NDE1: variants seen among roughly 807,000 people sequenced by gnomAD.
The protein encoded by NDE1 is nudE neurodevelopment protein 1.
NDE1 carries 28 observed loss-of-function variants against 43.4 expected under a neutral mutation model. The observed-to-expected ratio is 0.65, with a 90% CI of 0.48 to 0.89. The LOEUF (loss-of-function observed/expected upper bound fraction) is 0.89. Ranked by LOEUF, NDE1 falls within the 40% of genes least tolerant of loss-of-function variation. NDE1 has a pLI of 0.00. For synonymous variants in NDE1, 184 were observed against 172.0 expected, an observed-to-expected ratio of 1.07 and a Z score of -0.55; for missense variants, 441 against 434.1, an observed-to-expected ratio of 1.02 and a Z score of -0.14.
chr16:15,685,521 G>A (rs1484984530), intron 4 of NDE1, among the ~76,000 whole-genome samples: 1 of 152,184 alleles, frequency 6.6e-6, no homozygotes, highest in East Asian at 1.9e-4. Flanking sequence ...AAAGTGCTGG[G>A]ATTATAGGCA....
upstream of NDE1, among the ~76,000 whole-genome samples, chr16:15,648,253 C>G (rs1031674435): frequency 6.6e-6 from 1 of 151,932 alleles, no homozygotes; most frequent in African/African-American, 2.4e-5. Context: ...TTAAAATGTA[C>G]AATACATTGT....
At chr16:15,691,647 GT>G (rs11397970) in intron 6 of NDE1, among the ~76,000 whole-genome samples, 5 of 146,512 alleles carry the variant, frequency 3.4e-5, no homozygotes, top group East Asian at 2.0e-4. Flanking sequence ...TTTTTGTTGG[GT>G]TTTTTTTTTT....
intron 1 of NDE1, among the ~76,000 whole-genome samples, chr16:15,656,821 A>C (rs900784406): frequency 5.3e-5 from 8 of 152,124 alleles, no homozygotes; most frequent in African/African-American, 1.9e-4. Flanking sequence ...GATTACAGGC[A>C]TGAGCCACAG....
intron 8 of NDE1, among the ~76,000 whole-genome samples, chr16:15,708,508 A>G (rs2039590114): frequency 6.6e-6 from 1 of 152,228 alleles, no homozygotes; most frequent in African/African-American, 2.4e-5. Flanking sequence ...AGCTACACAC[A>G]CAGCCTCTGC....
At chr16:15,667,528 G>GA in intron 3 of NDE1, 89 bp downstream of exon 3, 1 of 1,499,440 alleles carries the variant, frequency 6.7e-7, no homozygotes, top group Non-Finnish European at 9.1e-7. Context: ...ACCCTGCAAT[G>GA]AGGGACTCCA....
At chr16:15,686,908 G>A in intron 4 of NDE1, 2 of 894,480 alleles carry the variant, frequency 2.2e-6, no homozygotes, top group African/African-American at 1.8e-5. Context: ...AGCTTGCCAG[G>A]CTGGTCTTGA....
At position 15,718,364 on chromosome 16, in the gene NDE1, TGCTCCTCCTCCA is replaced by T. The variant is rs777249764; in HGVS notation, c.948-5811_948-5800del. On this transcript the variant is annotated intron_variant, in intron 8 of 8. Coordinates refer to ENST00000396354, the MANE Select transcript of NDE1 (RefSeq NM_017668.3). ...GTCGCTCATGGCCTCCATGTTGCCC[TGCTCCTCCTCCA>T]GCTCCTCCTCCAGCTGGGCGATCCG... is the stretch of plus-strand genomic sequence containing the variant. The T allele has an allele frequency of 7.5e-6, 12 of 1,602,974 alleles. No individual in the cohort carries two copies. Among genetic ancestry groups the T allele is most frequent in the East Asian group, 2.3e-5 (1 of 44,262 alleles).
rs1451095511 is a variant in NDE1 at position 15,696,730 on chromosome 16, T to TC, written c.819dup (p.Cys274LeufsTer41). On this transcript the variant is annotated frameshift_variant, in exon 8 of 9. Coordinates refer to ENST00000396354, the MANE Select transcript of NDE1 (RefSeq NM_017668.3). LOFTEE classifies it high-confidence loss of function. ...CCAGGCACTGGAGTCCAAACTCGCT[T>TC]CCTGCCGGAACCTCGTGTACGATCA... 1 of 1,614,188 alleles carries TC rather than the reference T, an allele frequency of 6.2e-7. No homozygotes were observed. The highest frequency in any genetic ancestry group is 8.5e-7 in the Non-Finnish European group (1 of 1,180,032).
chr16:15,662,280 C>CTTTT (rs774915905), intron 1 of NDE1, among the ~76,000 whole-genome samples: 3 of 124,956 alleles, frequency 2.4e-5, no homozygotes, highest in African/African-American at 2.9e-5. Context: ...TTTCTCTTTT[C>CTTTT]TTTTTTTTTT....
At position 15,725,920 on chromosome 16, in the gene NDE1, GGTACAAGCTCCCCCTCCAACCCCACTCT is replaced by G. The variant is rs2040730434; in HGVS notation, c.*1674_*1701del. On this transcript the variant is annotated 3_prime_UTR_variant, in exon 9 of 9. Transcript: ENST00000396354. ...GTTCTCAAAAGCCCTACATCATCTG[GGTACAAGCTCCCCCTCCAACCCCACTCT>G]GTACTATCTCCCCCTACCCCCAACC... The G allele has an allele frequency of 2.6e-6, 1 of 378,748 alleles. No homozygotes were observed. Among genetic ancestry groups the G allele is most frequent in the Non-Finnish European group, 4.7e-6 (1 of 214,208 alleles). 23.5% of individuals were successfully genotyped at this position (378,748 alleles called of 1,614,324 possible). A position where few individuals can be genotyped will look rare whatever the true frequency, so the allele number is the denominator to read the frequency against.
In NDE1 at chr16:15,702,059, T is replaced by A. The variant is rs1179024593; in HGVS notation, c.947+5199T>A. On this transcript the variant is annotated intron_variant, in intron 8 of 8. Transcript: ENST00000396354. ...AAAATTTCTATTCAAGCCAGGTTTT[T>A]AGAAATGTATCCGGGATGTGTTTGT... 5 of 152,222 alleles carry A rather than the reference T, an allele frequency of 3.3e-5. No homozygotes were observed. The East Asian group carries it at 5.8e-4, about 18-fold the overall frequency. The allele number at this position is 152,222 out of a possible 1,614,324, so 9.4% of individuals were successfully genotyped here. A position where few individuals can be genotyped will look rare whatever the true frequency, so the allele number is the denominator to read the frequency against.
rs794728680 is a variant in NDE1 at position 15,720,874 on chromosome 16, G to C, written c.948-3317G>C. 5.3e-5 allele frequency: 85 copies of C among 1,613,784 alleles called. No homozygotes were observed. The highest frequency in any genetic ancestry group is 6.9e-5 in the Non-Finnish European group (82 of 1,180,032). On this transcript the variant is annotated intron_variant, in intron 8 of 8. Transcript: ENST00000396354. The stretch of plus-strand genomic sequence containing the variant: ...AGTTGCCTCCTCTTCTCCTCATTCT[G>C]CTCGTCCCGGGCTTGGAGATCCCTT...
chr16:15,706,007 C>CAAAAAAAAAAAAAAAAAAAAAAAAA (rs1555547379), intron 8 of NDE1, among the ~76,000 whole-genome samples: 1 of 66,256 alleles, frequency 1.5e-5, no homozygotes, highest in African/African-American at 8.0e-5. Context: ...AAAAAAAAAT[C>CAAAAAAAAAAAAAAAAAAAAAAAAA]AAGGCCCAGA....
At chr16:15,700,686 A>G (rs903512703) in intron 8 of NDE1, among the ~76,000 whole-genome samples, 36 of 151,822 alleles carry the variant, frequency 2.4e-4, no homozygotes, top group African/African-American at 4.8e-5. Context: ...CCCGGCCTCA[A>G]GTGATCCTCC....
At chr16:15,717,521 G>C in intron 8 of NDE1, 1 of 668,344 alleles carries the variant, frequency 1.5e-6, no homozygotes, top group Non-Finnish European at 2.6e-6. Flanking sequence ...CAGGCCGGGC[G>C]TGGTGGCGCA....
chr16:15,715,626 AT>A (rs201872754), intron 8 of NDE1, among the ~76,000 whole-genome samples: 1 of 151,568 alleles, frequency 6.6e-6, no homozygotes, highest in Non-Finnish European at 1.5e-5. Context: ...TGGGGTTTCT[AT>A]TTTTTTTGCG....
rs2036290629 is a variant in NDE1 at position 15,644,937 on chromosome 16, T to G, written c.-166+1010T>G. Among the ~76,000 whole-genome samples the G allele has an allele frequency of 2.0e-5, 3 of 147,608 alleles. No homozygotes were observed. In the South Asian group the frequency reaches 6.6e-4, roughly 33 times the overall value. ...TTTTTACTTTTTTTTTTTTTTTTTT[T>G]GAGACAAAGTCTTGCTTCATTGCCC... On this transcript the variant is annotated intron_variant, in intron 1 of 9. Coordinates refer to the NDE1 transcript ENST00000396355.
chr16:15,687,652 C>T (rs374980063), intron 5 of NDE1, 141 bp downstream of exon 5: 5 of 843,010 alleles, frequency 5.9e-6, no homozygotes, highest in South Asian at 2.8e-5. Context: ...CAGAGGGTGT[C>T]GGACTGCACT....
intron 3 of NDE1, among the ~76,000 whole-genome samples, chr16:15,670,492 T>TACTAAAACTACAAA (rs1248998291): frequency 6.6e-6 from 1 of 152,014 alleles, no homozygotes; most frequent in Non-Finnish European, 1.5e-5. Flanking sequence ...ACCCTGTCTC[T>TACTAAAACTACAAA]ACTAAAACTA....
Sources: gnomAD v4.1 joint callset for allele counts (sites outside exome capture counted in the v4.1 genomes callset) on GRCh38, gnomAD v4.1.1 for gene constraint, MANE v1.5 for transcripts, NCBI Gene and HGNC (gene_info 2026-07-23, HGNC 2026-07-21) for gene names.